Variants in STRBP observed in about 807,000 individuals in gnomAD.
The protein encoded by STRBP is spermatid perinuclear RNA binding protein.
In STRBP, 13 loss-of-function variants were observed where a neutral mutation model predicts 80.1. That is an observed-to-expected ratio of 0.16 (90% CI 0.11 to 0.26). The LOEUF (loss-of-function observed/expected upper bound fraction) is 0.26. Ranked by LOEUF, STRBP falls within the 10% of genes least tolerant of loss-of-function variation. The probability of loss-of-function intolerance (pLI) is 1.00; values close to 1 mark genes in which losing one functional copy is unlikely to be tolerated. For missense variants in STRBP, 485 were observed against 815.2 expected (o/e 0.59, Z 4.93); for synonymous variants, 284 against 291.2 (o/e 0.98, Z 0.25).
At chr9:123,235,427 T>C (rs1265252769) in intron 2 of STRBP, among the ~76,000 whole-genome samples, 1 of 149,204 alleles carries the variant, frequency 6.7e-6, no homozygotes, top group Non-Finnish European at 1.5e-5. Context: ...GAATTTATGA[T>C]ACAACCACTT....
chr9:123,192,395 T>C (rs966303693), intron 2 of STRBP, among the ~76,000 whole-genome samples: 1 of 152,154 alleles, frequency 6.6e-6, no homozygotes. Context: ...ACTGTGCTAT[T>C]TGGAAAGTCA....
chr9:123,264,129 A>C (rs911076148), intron 1 of STRBP, among the ~76,000 whole-genome samples: 1 of 152,180 alleles, frequency 6.6e-6, no homozygotes. Flanking sequence ...CAGTGAGCCG[A>C]GATTGTGCTA....
chr9:123,128,263 T>C lies in STRBP; in HGVS notation c.1898-5A>G. ...AACCATATGGTGTTCCATAGCCTAGTGCAAAGAAGAAGAAGGCAGATCAGT... is the reference window on the plus strand; with the variant it reads ...AACCATATGGTGTTCCATAGCCTAGCGCAAAGAAGAAGAAGGCAGATCAGT... On this transcript the variant is annotated splice_region_variant and splice_polypyrimidine_tract_variant and intron_variant, in intron 17 of 18. Coordinates refer to ENST00000348403, the MANE Select transcript of STRBP (RefSeq NM_018387.5). 6.2e-7 allele frequency: 1 copy of C among 1,614,160 alleles called. No homozygotes were observed. Among genetic ancestry groups the C allele is most frequent in the Non-Finnish European group, 8.5e-7 (1 of 1,180,020 alleles).
chr9:123,226,344 T>A (rs1355172004), intron 2 of STRBP, among the ~76,000 whole-genome samples: 1 of 152,206 alleles, frequency 6.6e-6, no homozygotes, highest in Non-Finnish European at 1.5e-5. Flanking sequence ...TCAAAAAAAA[T>A]GTATTTTACT....
intron 1 of STRBP, among the ~76,000 whole-genome samples, chr9:123,258,617 C>T (rs981266364): frequency 3.9e-5 from 6 of 152,004 alleles, no homozygotes; most frequent in South Asian, 4.1e-4. Flanking sequence ...TCCTGGCTAA[C>T]ACAGTGAAAC....
chr9:123,182,704 TAACATTTA>T (rs1278328693), intron 3 of STRBP, among the ~76,000 whole-genome samples: 1 of 151,996 alleles, frequency 6.6e-6, no homozygotes, highest in Non-Finnish European at 1.5e-5. Context: ...TAAAAGCAAG[TAACATTTA>T]AAGAAACATC....
intron 6 of STRBP, among the ~76,000 whole-genome samples, chr9:123,162,868 A>G (rs1308295948): frequency 6.6e-6 from 1 of 152,260 alleles, no homozygotes; most frequent in African/African-American, 2.4e-5. Flanking sequence ...GATACAAAAT[A>G]TACAAGTAGC....
intron 2 of STRBP, among the ~76,000 whole-genome samples, chr9:123,217,109 A>T (rs1295593802): frequency 1.3e-5 from 2 of 152,212 alleles, no homozygotes; most frequent in African/African-American, 4.8e-5. Flanking sequence ...CAGGCTTCCC[A>T]TTTAGTATTA....
At chr9:123,262,174 A>C (rs1357966253) in intron 1 of STRBP, among the ~76,000 whole-genome samples, 1 of 152,220 alleles carries the variant, frequency 6.6e-6, no homozygotes, top group African/African-American at 2.4e-5. Context: ...GAAGCATACT[A>C]AGAAATCTTA....
intron 2 of STRBP, among the ~76,000 whole-genome samples, chr9:123,230,857 G>A (rs562489733): frequency 7.2e-5 from 11 of 152,086 alleles, no homozygotes; most frequent in South Asian, 4.2e-4. Flanking sequence ...AATGAAAAGC[G>A]TACACACTTT....
intron 2 of STRBP, among the ~76,000 whole-genome samples, chr9:123,218,713 G>A (rs1056649670): frequency 8.5e-5 from 13 of 152,134 alleles, no homozygotes; most frequent in African/African-American, 3.1e-4. Flanking sequence ...ATAAGGTGCA[G>A]GGGTGGGAAA....
chr9:123,257,435 CACAG>C (rs1212274393), intron 1 of STRBP, among the ~76,000 whole-genome samples: 1 of 152,060 alleles, frequency 6.6e-6, no homozygotes, highest in Non-Finnish European at 1.5e-5. Context: ...CACACACACA[CACAG>C]ACACACACAC....
chr9:123,117,340 C>T (rs2035662093), downstream of STRBP, among the ~76,000 whole-genome samples: 2 of 152,086 alleles, frequency 1.3e-5, no homozygotes, highest in Admixed American at 1.3e-4. Context: ...AAAAGGATCC[C>T]GCAGCCATCC....
intron 2 of STRBP, among the ~76,000 whole-genome samples, chr9:123,221,509 G>C (rs1430989696): frequency 6.6e-6 from 1 of 152,174 alleles, no homozygotes; most frequent in African/African-American, 2.4e-5. Context: ...AAAATTAAAA[G>C]ACTATTAAAA....
At chr9:123,220,491 A>G (rs558387130) in intron 2 of STRBP, among the ~76,000 whole-genome samples, 40 of 152,362 alleles carry the variant, frequency 2.6e-4, no homozygotes, top group Middle Eastern at 3.4e-3. Flanking sequence ...TTGTACAAGC[A>G]GTCTGTCATT....
intron 6 of STRBP, among the ~76,000 whole-genome samples, chr9:123,166,618 G>A (rs1363894897): frequency 6.6e-6 from 1 of 152,068 alleles, no homozygotes; most frequent in Non-Finnish European, 1.5e-5. Flanking sequence ...GCCGGTCATG[G>A]TGGCATGCAC....
At chr9:123,152,573 A>T (rs2037103564) in intron 11 of STRBP, among the ~76,000 whole-genome samples, 1 of 152,102 alleles carries the variant, frequency 6.6e-6, no homozygotes, top group South Asian at 2.1e-4. Flanking sequence ...GACACACACA[A>T]CAACTTGGAT....
chr9:123,160,905 A>G (rs1324772210), intron 7 of STRBP, 72 bp downstream of exon 7: 4 of 1,275,320 alleles, frequency 3.1e-6, no homozygotes, highest in Admixed American at 2.7e-5. Flanking sequence ...ACAGAAACCA[A>G]TTAAGTGGCA....
intron 1 of STRBP, among the ~76,000 whole-genome samples, chr9:123,238,317 C>T (rs1029131055): frequency 2.0e-5 from 3 of 152,220 alleles, no homozygotes; most frequent in Non-Finnish European, 4.4e-5. Context: ...TGATACTGCA[C>T]AATTTCAGTG....
Sources: gnomAD v4.1 joint callset for allele counts (sites outside exome capture counted in the v4.1 genomes callset) on GRCh38, gnomAD v4.1.1 for gene constraint, MANE v1.5 for transcripts, NCBI Gene and HGNC (gene_info 2026-07-23, HGNC 2026-07-21) for gene names.